The following STAG1 variants were observed in gnomAD, a reference collection of about 807,000 sequenced individuals.
STAG1 encodes the protein cohesin subunit SA-1.
Under a neutral mutation model 170.9 loss-of-function variants are expected in STAG1, and 26 were observed. That is an observed-to-expected ratio of 0.15 (90% CI 0.11 to 0.21). STAG1 has a LOEUF of 0.21. Among genes scored for constraint, STAG1 ranks in the 10% least tolerant of loss-of-function variants. STAG1 has a pLI of 1.00. For synonymous variants in STAG1, 514 were observed against 497.7 expected (o/e 1.03, Z -0.44); for missense variants, 964 against 1,509.5 (o/e 0.64, Z 5.99).
intron 5 of STAG1, among the ~76,000 whole-genome samples, chr3:136,557,958 G>C (rs935829675): frequency 3.9e-5 from 6 of 152,126 alleles, no homozygotes; most frequent in Admixed American, 3.3e-4. Context: ...ATAGGTGCTA[G>C]AGATACAAAG....
intron 6 of STAG1, among the ~76,000 whole-genome samples, chr3:136,533,838 T>C (rs1207918902): frequency 1.3e-5 from 2 of 152,092 alleles, no homozygotes; most frequent in African/African-American, 4.8e-5. Context: ...GTAATCCCTA[T>C]CAAAATATCA....
At chr3:136,670,879 A>G (rs1941960496) in intron 1 of STAG1, among the ~76,000 whole-genome samples, 1 of 152,142 alleles carries the variant, frequency 6.6e-6, no homozygotes. Flanking sequence ...TAATGGATGT[A>G]TTTTCCAGAT....
intron 5 of STAG1, among the ~76,000 whole-genome samples, chr3:136,567,115 T>C (rs1576615558): frequency 2.0e-5 from 3 of 152,232 alleles, no homozygotes; most frequent in South Asian, 4.1e-4. Flanking sequence ...CTTCTTATTA[T>C]ACAACTTTTA....
chr3:136,528,499 C>CG (rs1409472727), intron 6 of STAG1, among the ~76,000 whole-genome samples: 8 of 139,232 alleles, frequency 5.7e-5, no homozygotes, highest in Non-Finnish European at 7.6e-5. Context: ...CCCGCACCCC[C>CG]CCCCCCAAAA....
At chr3:136,524,572 T>C (rs959167209) in intron 6 of STAG1, among the ~76,000 whole-genome samples, 10 of 152,200 alleles carry the variant, frequency 6.6e-5, no homozygotes, top group South Asian at 2.1e-4. Context: ...CTTCTCCTAA[T>C]TGAATACCCT....
At chr3:136,549,498 A>G (rs1936297798) in intron 5 of STAG1, among the ~76,000 whole-genome samples, 3 of 151,912 alleles carry the variant, frequency 2.0e-5, no homozygotes, top group African/African-American at 7.3e-5. Context: ...ACAGGGTTTC[A>G]CCATGTTGGC....
chr3:136,477,777 G>T (rs561153202), intron 9 of STAG1, among the ~76,000 whole-genome samples: 4 of 152,178 alleles, frequency 2.6e-5, no homozygotes, highest in African/African-American at 9.6e-5. Context: ...TTTCTCAAAA[G>T]AACTGTTAAT....
chr3:136,424,917 G>A (rs1028733993), intron 16 of STAG1, among the ~76,000 whole-genome samples: 9 of 151,930 alleles, frequency 5.9e-5, no homozygotes, highest in South Asian at 2.1e-4. Context: ...TCGGCTCACC[G>A]CAACCTCTGA....
chr3:136,460,522 A>G (rs1261858134), intron 13 of STAG1, among the ~76,000 whole-genome samples: 1 of 152,124 alleles, frequency 6.6e-6, no homozygotes, highest in African/African-American at 2.4e-5. Flanking sequence ...GAATCGCTTG[A>G]ACCCAGGAGG....
Position 136,597,525 on chromosome 3 carries a change from C to T in STAG1, c.297+6784G>A, listed in dbSNP as rs567297347. ...TTTAAAATAGTAGTTTATTCTGTTC[C>T]ACCCAAATTTTTTATTAGATTTTTA... On this transcript the variant is annotated intron_variant, in intron 4 of 33. Transcript: ENST00000383202. Among the ~76,000 whole-genome samples, 13 of 152,200 alleles carry T rather than the reference C, an allele frequency of 8.5e-5. No individual in the cohort carries two copies. The South Asian group carries it at 2.7e-3, about 32-fold the overall frequency.
At position 136,400,474 on chromosome 3, in the gene STAG1, G is replaced by A. The variant is rs532005325; in HGVS notation, c.2197-1645C>T. Among the ~76,000 whole-genome samples, 35 of 151,978 alleles carry A rather than the reference G, an allele frequency of 2.3e-4. No homozygotes were observed. The South Asian group carries it at 6.6e-3, about 29-fold the overall frequency. ...GAGATCAGGCAATCTGCCCACCTCT[G>A]CCTCCCAAAGTGCTAGGACCATAGG... is the stretch of plus-strand genomic sequence containing the variant. On this transcript the variant is annotated intron_variant, in intron 21 of 33. Transcript: ENST00000383202.
intron 1 of STAG1, among the ~76,000 whole-genome samples, chr3:136,700,791 T>A (rs1472370720): frequency 6.6e-6 from 1 of 151,596 alleles, no homozygotes; most frequent in Non-Finnish European, 1.5e-5. Flanking sequence ...TGTTCATTTA[T>A]AATGGGATTA....
At chr3:136,519,303 C>A (rs999325138) in intron 7 of STAG1, among the ~76,000 whole-genome samples, 10 of 152,064 alleles carry the variant, frequency 6.6e-5, no homozygotes, top group Non-Finnish European at 1.5e-4. Context: ...TAGCTTGCCC[C>A]TACAGAGAAG....
At chr3:136,646,497 T>TATC (rs1941018918) in intron 1 of STAG1, among the ~76,000 whole-genome samples, 1 of 152,230 alleles carries the variant, frequency 6.6e-6, no homozygotes, top group South Asian at 2.1e-4. Context: ...AATCACTCTT[T>TATC]ATCCTTCAAT....
At chr3:136,610,636 G>T (rs766611888) in intron 3 of STAG1, among the ~76,000 whole-genome samples, 1 of 152,040 alleles carries the variant, frequency 6.6e-6, no homozygotes, top group African/African-American at 2.4e-5. Context: ...CTTTAAAAAA[G>T]AATTACAAAC....
intron 4 of STAG1, among the ~76,000 whole-genome samples, chr3:136,602,444 C>T (rs1281373247): frequency 6.6e-6 from 1 of 150,634 alleles, no homozygotes; most frequent in African/African-American, 2.4e-5. Context: ...CAAAATTTTA[C>T]ATAAAAATAC....
chr3:136,751,657 C>G (rs1487967202), intron 1 of STAG1, among the ~76,000 whole-genome samples: 1 of 152,168 alleles, frequency 6.6e-6, no homozygotes, highest in Non-Finnish European at 1.5e-5. Context: ...AGCGACCCCC[C>G]AGGCCCCTCC....
At chr3:136,667,724 G>C (rs910357016) in intron 1 of STAG1, among the ~76,000 whole-genome samples, 2 of 152,106 alleles carry the variant, frequency 1.3e-5, no homozygotes, top group African/African-American at 4.8e-5. Context: ...TCAAACTCCT[G>C]ATCTCAAGTG....
At chr3:136,383,368 A>G (rs1037722297) in intron 22 of STAG1, among the ~76,000 whole-genome samples, 6 of 152,198 alleles carry the variant, frequency 3.9e-5, no homozygotes, top group African/African-American at 1.4e-4. Flanking sequence ...CACACTTACT[A>G]TGAATTCTTT....
Sources: gnomAD v4.1 joint callset for allele counts (sites outside exome capture counted in the v4.1 genomes callset) on GRCh38, gnomAD v4.1.1 for gene constraint, MANE v1.5 for transcripts, NCBI Gene and HGNC (gene_info 2026-07-23, HGNC 2026-07-21) for gene names.